Variants in TMEM123 observed in about 807,000 individuals in gnomAD.
The protein encoded by TMEM123 is transmembrane protein 123, also known as porimin.
Under a neutral mutation model 19.7 loss-of-function variants are expected in TMEM123, and 16 were observed. That is an observed-to-expected ratio of 0.81 (90% CI 0.55 to 1.23). The LOEUF is 1.23. Among genes scored for constraint, TMEM123 ranks in the 50% most tolerant of loss-of-function variants. The pLI is 0.00. For synonymous variants in TMEM123, 118 were observed against 99.4 expected, an observed-to-expected ratio of 1.19 and a Z score of -1.12; for missense variants, 313 against 257.8, an observed-to-expected ratio of 1.21 and a Z score of -1.47.
At chr11:102,448,437 T>C (rs1857905979) in intron 2 of TMEM123, 6 of 349,014 alleles carry the variant, frequency 1.7e-5, no homozygotes, top group South Asian at 1.1e-4. Context: ...AAGGCTGCCA[T>C]GGCTGACTAG....
Position 102,398,393 on chromosome 11 carries a change from T to C in TMEM123, c.*474A>G, listed in dbSNP as rs1266657898. 18 of 395,168 alleles carry C rather than the reference T, an allele frequency of 4.6e-5. No individual in the cohort carries two copies. The East Asian group carries it at 5.4e-4, about 12-fold the overall frequency. 24.5% of individuals were successfully genotyped at this position (395,168 alleles called of 1,614,324 possible). On this transcript the variant is annotated 3_prime_UTR_variant, in exon 5 of 5. Coordinates refer to ENST00000398136, the MANE Select transcript of TMEM123 (RefSeq NM_052932.3). Reference sequence around the variant, plus strand: ...AAATTATGCTTCAGATCTAGTTTGATTGTATAATTTCTGTGTGGCATTAGT... The same window carrying C: ...AAATTATGCTTCAGATCTAGTTTGACTGTATAATTTCTGTGTGGCATTAGT...
At chr11:102,433,933 T>C (rs975005074) in intron 2 of TMEM123, among the ~76,000 whole-genome samples, 2 of 151,896 alleles carry the variant, frequency 1.3e-5, no homozygotes, top group Non-Finnish European at 2.9e-5. Context: ...CCTAGCCATG[T>C]GGAACTGTGA....
At chr11:102,448,974 G>A (rs914535201) in intron 1 of TMEM123, 106 bp from the exon 2 acceptor site, 13 of 1,099,212 alleles carry the variant, frequency 1.2e-5, no homozygotes, top group Non-Finnish European at 1.6e-5. Context: ...TGTCAGGAGG[G>A]TAGATTATTC....
intron 2 of TMEM123, among the ~76,000 whole-genome samples, chr11:102,446,548 T>C (rs752441102): frequency 1.4e-4 from 22 of 152,374 alleles, no homozygotes; most frequent in Admixed American, 4.6e-4. Context: ...AGTGTTTTGA[T>C]AAGGCAAGTC....
Position 102,398,392 on chromosome 11 carries a change from AT to A in TMEM123, c.*474del. ...TAAATTATGCTTCAGATCTAGTTTG[AT>A]TGTATAATTTCTGTGTGGCATTAGT... is the stretch of plus-strand genomic sequence containing the variant. On this transcript the variant is annotated 3_prime_UTR_variant, in exon 5 of 5. Coordinates refer to ENST00000398136, the MANE Select transcript of TMEM123 (RefSeq NM_052932.3). 2.5e-6 allele frequency: 1 copy of A among 395,292 alleles called. No individual in the cohort carries two copies. The highest frequency in any genetic ancestry group is 4.5e-6 in the Non-Finnish European group (1 of 224,502). 24.5% of individuals were successfully genotyped at this position (395,292 alleles called of 1,614,324 possible). A position where few individuals can be genotyped will look rare whatever the true frequency, so the allele number is the denominator to read the frequency against.
Position 102,397,783 on chromosome 11 carries a change from C to T in TMEM123, c.*1084G>A, listed in dbSNP as rs1471843045. The T allele has an allele frequency of 1.3e-5, 2 of 152,124 alleles. No homozygotes were observed. Among genetic ancestry groups the T allele is most frequent in the African/African-American group, 4.8e-5 (2 of 41,434 alleles). 9.4% of individuals were successfully genotyped at this position (152,124 alleles called of 1,614,324 possible). On this transcript the variant is annotated 3_prime_UTR_variant, in exon 5 of 5. Coordinates refer to ENST00000398136, the MANE Select transcript of TMEM123 (RefSeq NM_052932.3). ...TGAAAGAAAATATAGCATTTTCATCCTGCAGGTTTAGTTGCCTGGGGGAAG... is the reference window on the plus strand; with the variant it reads ...TGAAAGAAAATATAGCATTTTCATCTTGCAGGTTTAGTTGCCTGGGGGAAG...
chr11:102,404,896 G>T (rs887976712), intron 2 of TMEM123, among the ~76,000 whole-genome samples: 8 of 152,084 alleles, frequency 5.3e-5, no homozygotes, highest in Non-Finnish European at 7.4e-5. Context: ...ACCATGCTCG[G>T]CCCCAGCTAT....
intron 2 of TMEM123, among the ~76,000 whole-genome samples, chr11:102,419,373 C>A (rs1334450906): frequency 1.3e-5 from 2 of 152,152 alleles, no homozygotes; most frequent in Non-Finnish European, 2.9e-5. Context: ...ACCTTGTATA[C>A]CTGCCTGGAC....
chr11:102,414,844 A>G (rs1213538578), intron 2 of TMEM123, among the ~76,000 whole-genome samples: 1 of 152,192 alleles, frequency 6.6e-6, no homozygotes, highest in Admixed American at 6.5e-5. Flanking sequence ...ATCCACACAT[A>G]TCAATGTTAA....
At chr11:102,426,757 G>A (rs1171354307) in intron 2 of TMEM123, among the ~76,000 whole-genome samples, 2 of 149,298 alleles carry the variant, frequency 1.3e-5, no homozygotes. Context: ...AAGATCTTTG[G>A]TGTCCCTTTG....
chr11:102,441,332 T>C (rs922358564), intron 2 of TMEM123, among the ~76,000 whole-genome samples: 1 of 152,182 alleles, frequency 6.6e-6, no homozygotes, highest in African/African-American at 2.4e-5. Context: ...ACAGAAATTA[T>C]AACAAACTGT....
intron 2 of TMEM123, among the ~76,000 whole-genome samples, chr11:102,424,723 C>T (rs1010861064): frequency 1.3e-5 from 2 of 151,910 alleles, no homozygotes; most frequent in East Asian, 3.9e-4. Context: ...CGAGGGGAGT[C>T]AGGGCACAGA....
At position 102,398,713 on chromosome 11, in the gene TMEM123, A is replaced by T; in HGVS notation, c.*154T>A. 1 of 726,732 alleles carries T rather than the reference A, an allele frequency of 1.4e-6. No homozygotes were observed. 45.0% of individuals were successfully genotyped at this position (726,732 alleles called of 1,614,324 possible). ...AACCCAAACCCTTGTTACCTTGAAG[A>T]ATCTTTACATATTTACGTAATACAC... On this transcript the variant is annotated 3_prime_UTR_variant, in exon 5 of 5. Coordinates refer to ENST00000398136, the MANE Select transcript of TMEM123 (RefSeq NM_052932.3).
intron 2 of TMEM123, among the ~76,000 whole-genome samples, chr11:102,445,353 CTGTT>C (rs1857873919): frequency 6.6e-6 from 1 of 152,182 alleles, no homozygotes; most frequent in African/African-American, 2.4e-5. Context: ...GTATCTATCA[CTGTT>C]TGTATCTATC....
chr11:102,440,093 G>A (rs983955722), intron 2 of TMEM123, among the ~76,000 whole-genome samples: 18 of 152,284 alleles, frequency 1.2e-4, no homozygotes, highest in African/African-American at 3.6e-4. Flanking sequence ...TGAAAGTGAC[G>A]GGGAGCGTGG....
chr11:102,445,754 G>T (rs375078694), intron 2 of TMEM123, among the ~76,000 whole-genome samples: 1 of 152,132 alleles, frequency 6.6e-6, no homozygotes, highest in Admixed American at 6.5e-5. Context: ...TGCAGAATTA[G>T]ATCCAATAAA....
At chr11:102,442,015 C>T (rs913390436) in intron 2 of TMEM123, among the ~76,000 whole-genome samples, 1 of 152,116 alleles carries the variant, frequency 6.6e-6, no homozygotes, top group Non-Finnish European at 1.5e-5. Context: ...AAGTTGAATC[C>T]CTCACTAGAC....
chr11:102,429,073 G>A (rs555604911), intron 2 of TMEM123, among the ~76,000 whole-genome samples: 9 of 152,234 alleles, frequency 5.9e-5, no homozygotes, highest in African/African-American at 1.4e-4. Context: ...AATGTGAGTA[G>A]AATACACCAG....
Position 102,402,199 on chromosome 11 carries a change from G to T in TMEM123, c.165C>A (p.Leu55=), listed in dbSNP as rs755852139. 3.1e-6 allele frequency: 5 copies of T among 1,613,364 alleles called. No homozygotes were observed. Among genetic ancestry groups the T allele is most frequent in the Non-Finnish European group, 4.2e-6 (5 of 1,179,586 alleles). The change falls in exon 3 of 5, where the codon CTC becomes CTA. Residue 55 remains leucine (L), a synonymous_variant. Transcript: ENST00000398136. The part of the protein sequence containing the change: ...HNSSANSTET[L]QHVPSDHTNE... ...TTGTATGGTCAGAAGGCACATGTTGGAGAGTCTCTGCAATAATATCAAGAA... is the reference window on the plus strand; with the variant it reads ...TTGTATGGTCAGAAGGCACATGTTGTAGAGTCTCTGCAATAATATCAAGAA...
Sources: gnomAD v4.1 joint callset for allele counts (sites outside exome capture counted in the v4.1 genomes callset) on GRCh38, gnomAD v4.1.1 for gene constraint, MANE v1.5 for transcripts, NCBI Gene and HGNC (gene_info 2026-07-23, HGNC 2026-07-21) for gene names.